The following FBN3 variants were observed in gnomAD, a reference collection of about 807,000 sequenced individuals.
The protein encoded by FBN3 is fibrillin 3.
A neutral mutation model predicts 330.1 loss-of-function variants in FBN3; 234 were observed. That is an observed-to-expected ratio of 0.71 (90% confidence interval 0.64 to 0.79). The LOEUF is 0.79. Among genes scored for constraint, FBN3 ranks in the 30% least tolerant of loss-of-function variants. The pLI, the probability that FBN3 is intolerant of heterozygous loss-of-function variation, is 0.00. For synonymous variants in FBN3, 1,458 were observed against 1,517.3 expected (o/e 0.96, Z 0.91); for missense variants, 3,606 against 3,886.9 (o/e 0.93, Z 1.92).
Position 8,111,885 on chromosome 19 carries a change from G to A in FBN3, c.3961+92C>T, listed in dbSNP as rs1351808468. The A allele has an allele frequency of 3.0e-5, 38 of 1,249,738 alleles. No individual in the cohort carries two copies. The African/African-American group carries it at 3.2e-4, about 11-fold the overall frequency. 77.4% of individuals were successfully genotyped at this position (1,249,738 alleles called of 1,614,324 possible). On this transcript the variant is annotated intron_variant, in intron 31 of 63. Coordinates refer to ENST00000600128, the MANE Select transcript of FBN3 (RefSeq NM_032447.5). ...TGACTGCCCCCCTGCAGACACTCCC[G>A]GATCCCACCCTCCCACTGCCTTGCC... is the stretch of plus-strand genomic sequence containing the variant.
chr19:8,093,394 C>G (rs758450708), intron 47 of FBN3, among the ~76,000 whole-genome samples: 11 of 152,128 alleles, frequency 7.2e-5, no homozygotes, highest in Non-Finnish European at 1.5e-4. Context: ...GAGGCCAAGG[C>G]GGGCAGATCA....
At chr19:8,138,009 C>G in intron 10 of FBN3, 132 bp downstream of exon 10, 1 of 1,034,200 alleles carries the variant, frequency 9.7e-7, no homozygotes, top group Non-Finnish European at 1.4e-6. Context: ...ACTAGCCAGG[C>G]CAGGAGTTCC....
chr19:8,102,750 C>T lies in FBN3; in HGVS notation c.5063G>A (p.Cys1688Tyr). ...YNIGQAWNRP[C>Y]EACPTPISPD... ...ACTGATGGGAGTGGGGCAGGCCTCA[C>T]AGGGTCTATTCCAGGCCTGGCCAAT... is the stretch of plus-strand genomic sequence containing the variant. The change falls in exon 40 of 64, where the codon TGT becomes TAT. Residue 1688 changes from cysteine (C) to tyrosine (Y), a missense_variant. By Grantham distance (194) the Cys-to-Tyr change is radical. Coordinates refer to ENST00000600128, the MANE Select transcript of FBN3 (RefSeq NM_032447.5). The T allele has an allele frequency of 6.2e-7, 1 of 1,613,844 alleles. No individual in the cohort carries two copies. The highest frequency in any genetic ancestry group is 8.5e-7 in the Non-Finnish European group (1 of 1,179,946).
At chr19:8,107,867 AATGG>A (rs1384116240) in intron 37 of FBN3, among the ~76,000 whole-genome samples, 3 of 150,144 alleles carry the variant, frequency 2.0e-5, no homozygotes, top group Admixed American at 6.6e-5. Flanking sequence ...AGGATGGATG[AATGG>A]ATGGAAGGAT....
chr19:8,080,049 C>T (rs1053790450), intron 59 of FBN3, among the ~76,000 whole-genome samples: 2 of 152,240 alleles, frequency 1.3e-5, no homozygotes, highest in African/African-American at 4.8e-5. Flanking sequence ...GTAACAGGCT[C>T]TGTCCCAAGA....
At chr19:8,135,936 G>GGCACCCCCCCCCCCCCCCCCC in intron 13 of FBN3, 25 bp downstream of exon 13, 1 of 668,778 alleles carries the variant, frequency 1.5e-6, no homozygotes, top group Non-Finnish European at 2.4e-6. Flanking sequence ...GGAAGCCCCT[G>GGCACCCCCCCCCCCCCCCCCC]CCCACCCGCC....
In FBN3 at chr19:8,091,688, C is replaced by T. The variant is rs376453141; in HGVS notation, c.5906-98G>A. On this transcript the variant is annotated intron_variant, in intron 47 of 63. Coordinates refer to ENST00000600128, the MANE Select transcript of FBN3 (RefSeq NM_032447.5). ...GAGAAGGGACAGATGGAGTGCAGGT[C>T]CAGCCAGGGGCTGCAGTGGGGCTGG... The T allele has an allele frequency of 2.1e-5, 29 of 1,401,492 alleles. 2 individuals are homozygous for T. The Admixed American group carries it at 2.4e-4, about 11-fold the overall frequency. The allele number at this position is 1,401,492 out of a possible 1,614,324, so 86.8% of individuals were successfully genotyped here.
Position 8,087,851 on chromosome 19 carries a change from A to G in FBN3, c.6593T>C (p.Leu2198Pro), listed in dbSNP as rs1004583811. 4.3e-6 allele frequency: 7 copies of G among 1,613,904 alleles called. No individual in the cohort carries two copies. The African/African-American group carries it at 9.3e-5, about 22-fold the overall frequency. Residue 2198 changes from leucine to proline, a missense_variant, in exon 53 of 64, where the codon CTG (leucine) becomes CCG (proline). Transcript: ENST00000600128. ...TCGACACATGGCCCCATCCTCCCGC[A>G]GGGTGTAGCCGGCTGGACAGGTGCA... The part of the protein sequence containing the change: ...YLCTCPAGYT[L>P]REDGAMCRDV...
At chr19:8,110,674 G>A (rs1192414301) in intron 34 of FBN3, among the ~76,000 whole-genome samples, 171 bp downstream of exon 34, 5 of 152,170 alleles carry the variant, frequency 3.3e-5, no homozygotes, top group Non-Finnish European at 5.9e-5. Flanking sequence ...TTTAGCAGGC[G>A]AACAGGAACG....
Position 8,089,918 on chromosome 19 carries a change from G to A in FBN3, c.6226C>T (p.Pro2076Ser), listed in dbSNP as rs762559592. 11 of 1,605,386 alleles carry A rather than the reference G, an allele frequency of 6.9e-6. No homozygotes were observed. In the South Asian group the frequency reaches 1.2e-4, roughly 18 times the overall value. Residue 2076 changes from proline to serine, a missense_variant, in exon 50 of 64, where the codon CCA becomes TCA. Coordinates refer to ENST00000600128, the MANE Select transcript of FBN3 (RefSeq NM_032447.5). Reference sequence around the variant, plus strand: ...CCTTCTCGGGAGTCATCCGGGCCTGGGACTGCCCCGTGGCCAAAGGGGCAG... The same window carrying A: ...CCTTCTCGGGAGTCATCCGGGCCTGAGACTGCCCCGTGGCCAAAGGGGCAG... ...ELCPFGHGAV[P>S]GPDDSREDVN...
chr19:8,122,557 G>C (rs2082877127), intron 24 of FBN3, among the ~76,000 whole-genome samples: 1 of 151,372 alleles, frequency 6.6e-6, no homozygotes, highest in Non-Finnish European at 1.5e-5. Flanking sequence ...AGTAGAGACG[G>C]GGTATTGCCA....
intron 40 of FBN3, among the ~76,000 whole-genome samples, chr19:8,101,295 A>C (rs967203298): frequency 6.6e-6 from 1 of 152,060 alleles, no homozygotes; most frequent in Non-Finnish European, 1.5e-5. Context: ...TGGTTTTTAA[A>C]GCCACCTAGT....
At position 8,086,213 on chromosome 19, in the gene FBN3, A is replaced by G; in HGVS notation, c.6867T>C (p.Leu2289=). ...CDEGFQPSPT[L]TECHDIRQGP... is the part of the protein sequence containing the mutation. ...AGCCACACTCACCGTGGCACTCGGT[A>G]AGGGTGGGGCTGGGCTGGAATCCCT... Residue 2289 remains leucine, a synonymous_variant, in exon 55 of 64, where the codon CTT becomes CTC. Transcript: ENST00000600128. 6.3e-7 allele frequency: 1 copy of G among 1,597,630 alleles called. No individual in the cohort carries two copies. The highest frequency in any genetic ancestry group is 8.5e-7 in the Non-Finnish European group (1 of 1,170,282).
chr19:8,149,284 G>A lies in FBN3; in HGVS notation c.-18+165C>T, dbSNP rs1443837055. Among the ~76,000 whole-genome samples, 1 of 151,620 alleles carries A rather than the reference G, an allele frequency of 6.6e-6. No homozygotes were observed. The highest frequency in any genetic ancestry group is 1.5e-5 in the Non-Finnish European group (1 of 67,844). ...CCGCGCCCCCACTCCCCACTGCGGC[G>A]GGCGCCACTAGAAGGCGGAGAGGGG... On this transcript the variant is annotated intron_variant, in intron 1 of 63. Transcript: ENST00000600128. This position sits in a 1 kb window ranked among gnomAD's most constrained non-coding sequence, Gnocchi z 5.5.
At position 8,121,245 on chromosome 19, in the gene FBN3, G is replaced by T; in HGVS notation, c.3211+13C>A. On this transcript the variant is annotated intron_variant, in intron 25 of 63. Coordinates refer to ENST00000600128, the MANE Select transcript of FBN3 (RefSeq NM_032447.5). This position sits in a 1 kb window ranked among gnomAD's most constrained non-coding sequence, Gnocchi z 4.5. Reference sequence around the variant, plus strand: ...CAGGGCGCCCACCACACCCCTGCCCGGCAGTCACCGACCCATGCAGTTCTT... The same window carrying T: ...CAGGGCGCCCACCACACCCCTGCCCTGCAGTCACCGACCCATGCAGTTCTT... The T allele has an allele frequency of 6.3e-7, 1 of 1,575,416 alleles. No homozygotes were observed. Among genetic ancestry groups the T allele is most frequent in the Non-Finnish European group, 8.6e-7 (1 of 1,157,498 alleles).
At chr19:8,141,185 A>T (rs2083403844) in intron 8 of FBN3, among the ~76,000 whole-genome samples, 1 of 107,194 alleles carries the variant, frequency 9.3e-6, no homozygotes, top group Non-Finnish European at 1.9e-5. Flanking sequence ...ACAGAGCGAG[A>T]CTCCGTCTCA....
At chr19:8,141,012 G>A (rs1464872437) in intron 8 of FBN3, among the ~76,000 whole-genome samples, 1 of 151,596 alleles carries the variant, frequency 6.6e-6, no homozygotes, top group Non-Finnish European at 1.5e-5. Flanking sequence ...CTAACACGGT[G>A]AAACCCCGTC....
Position 8,096,584 on chromosome 19 carries a change from A to G in FBN3, c.5414-15T>C. ...CTCATTCCGTCCTGGGGGTGCAGAG[A>G]GCATGGTGTTCCCAGGGCTCCTACC... is the stretch of plus-strand genomic sequence containing the variant. On this transcript the variant is annotated splice_polypyrimidine_tract_variant and intron_variant, in intron 43 of 63. Coordinates refer to ENST00000600128, the MANE Select transcript of FBN3 (RefSeq NM_032447.5). The surrounding 1 kb of genome is among the most constrained non-coding windows in gnomAD (Gnocchi z 4.6). The G allele has an allele frequency of 6.2e-7, 1 of 1,602,702 alleles. No individual in the cohort carries two copies. The highest frequency in any genetic ancestry group is 8.5e-7 in the Non-Finnish European group (1 of 1,174,872).
intron 6 of FBN3, 47 bp from the exon 7 acceptor site, chr19:8,142,184 C>G (rs780464485): frequency 4.7e-6 from 7 of 1,488,000 alleles, no homozygotes; most frequent in Non-Finnish European, 6.4e-6. Flanking sequence ...CTGCCCCTGT[C>G]TGGAGATCTC....
Sources: allele counts gnomAD v4.1 joint callset (sites outside exome capture counted in the v4.1 genomes callset), GRCh38; gene constraint gnomAD v4.1.1; non-coding constraint Gnocchi (gnomAD v3.1); transcripts MANE v1.5; gene names NCBI Gene and HGNC (gene_info 2026-07-23, HGNC 2026-07-21).